BRD8: variants seen among roughly 807,000 people sequenced by gnomAD.
BRD8 encodes bromodomain containing 8.
A neutral mutation model predicts 143.1 loss-of-function variants in BRD8; 67 were observed. That is an observed-to-expected ratio of 0.47 (90% CI 0.38 to 0.57). The LOEUF (loss-of-function observed/expected upper bound fraction) is 0.57, where lower values mean the gene tolerates loss of function less well. Among genes scored for constraint, BRD8 ranks in the 20% least tolerant of loss-of-function variants. The pLI, the probability that BRD8 is intolerant of heterozygous loss-of-function variation, is 0.00. For missense variants in BRD8, 1,103 were observed against 1,503.0 expected (o/e 0.73, Z 4.40); for synonymous variants, 505 against 517.1 (o/e 0.98, Z 0.32).
intron 10 of BRD8, 157 bp downstream of exon 10, chr5:138,166,361 T>G: frequency 1.6e-6 from 1 of 630,044 alleles, no homozygotes; most frequent in Non-Finnish European, 2.7e-6. Flanking sequence ...TCTTCTCACA[T>G]CTATTTCTAA....
At chr5:138,161,592 G>A (rs1011393728) in intron 17 of BRD8, among the ~76,000 whole-genome samples, 2 of 152,222 alleles carry the variant, frequency 1.3e-5, no homozygotes, top group Non-Finnish European at 2.9e-5. Flanking sequence ...TTACAGGCGT[G>A]AGCCACCGCT....
rs986681622 is a variant in BRD8, at chr5:138,152,627, G to A, written c.2711C>T (p.Thr904Ile). The change falls in exon 21 of 27, where the codon ACT becomes ATT. Residue 904 changes from threonine to isoleucine, a missense_variant. Physicochemically the swap from Thr to Ile is moderately conservative, Grantham distance 89 (BLOSUM62 -1). Coordinates refer to ENST00000254900, the MANE Select transcript of BRD8 (RefSeq NM_139199.2). ...LDLDVGNWRE[T>I]EDPEAEELEE... The stretch of plus-strand genomic sequence containing the variant: ...TAGTTCCTCAGCCTCTGGATCCTCA[G>A]TTTCCCTCCAGTTGCCCACATCAAG... 2 of 1,614,150 alleles carry A rather than the reference G, an allele frequency of 1.2e-6. No homozygotes were observed. Among genetic ancestry groups the A allele is most frequent in the Non-Finnish European group, 1.7e-6 (2 of 1,180,048 alleles).
intron 1 of BRD8, 140 bp from the exon 2 acceptor site, chr5:138,177,807 CAA>C (rs1168945539): frequency 1.6e-5 from 8 of 490,178 alleles, no homozygotes; most frequent in Non-Finnish European, 2.6e-5. Context: ...CTACTATAAC[CAA>C]ATCTTGATTT....
chr5:138,164,237 ACCTCC>A, intron 13 of BRD8, 78 bp downstream of exon 13: 1 of 1,571,214 alleles, frequency 6.4e-7, no homozygotes, highest in Non-Finnish European at 8.8e-7. Context: ...GACCTGTTCT[ACCTCC>A]TCTACTTGCC....
chr5:138,178,197 A>G (rs1754519002), intron 1 of BRD8, among the ~76,000 whole-genome samples: 1 of 152,144 alleles, frequency 6.6e-6, no homozygotes, highest in Non-Finnish European at 1.5e-5. Flanking sequence ...TGGCAAGAAA[A>G]GCTCATGGTT....
Position 138,146,390 on chromosome 5 carries a change from C to G in BRD8, c.3279-512G>C, listed in dbSNP as rs183090467. ...TTTTTTTTTGAGACAGGGTCTTGCTCTGTTGCCCAGGCTGGAGTGCAGTAG... is the reference window on the plus strand; with the variant it reads ...TTTTTTTTTGAGACAGGGTCTTGCTGTGTTGCCCAGGCTGGAGTGCAGTAG... On this transcript the variant is annotated intron_variant, in intron 23 of 26. Coordinates refer to ENST00000254900, the MANE Select transcript of BRD8 (RefSeq NM_139199.2). 5.5e-3 allele frequency among the ~76,000 whole-genome samples: 834 copies of G among 151,226 alleles called. 3 individuals carry two copies. Among genetic ancestry groups the G allele is most frequent in the African/African-American group, 0.019 (793 of 41,184 alleles).
Position 138,161,088 on chromosome 5 carries a change from G to C in BRD8, c.2250-20C>G, listed in dbSNP as rs1752963008. 1 of 1,591,226 alleles carries C rather than the reference G, an allele frequency of 6.3e-7. No homozygotes were observed. Among genetic ancestry groups the C allele is most frequent in the African/African-American group, 1.3e-5 (1 of 74,090 alleles). ...ATAGGCCTAAAAAAAAAGAACAGGG[G>C]TAAGTAGCAGTGGGGATGGAAAGAG... is the stretch of plus-strand genomic sequence containing the variant. On this transcript the variant is annotated intron_variant, in intron 17 of 26. Transcript: ENST00000254900.
At chr5:138,151,757 G>A (rs1161092449) in intron 21 of BRD8, among the ~76,000 whole-genome samples, 4 of 151,964 alleles carry the variant, frequency 2.6e-5, no homozygotes, top group Admixed American at 1.3e-4. Context: ...TCCGCCTCCC[G>A]GGTTCAAGCG....
Position 138,142,759 on chromosome 5 carries a change from CAAA to C in BRD8, c.3438-1880_3438-1878del, listed in dbSNP as rs35529846. 5.3e-3 allele frequency among the ~76,000 whole-genome samples: 445 copies of C among 83,822 alleles called. 3 individuals carry two copies. The highest frequency in any genetic ancestry group is 0.02 in the African/African-American group (420 of 21,048). The allele number at this position is 83,822 out of a possible 152,430, so 55.0% of individuals were successfully genotyped here. On this transcript the variant is annotated intron_variant, in intron 25 of 26. Transcript: ENST00000254900. ...GCCTGGTGACAGAGCAAGACTGTCT[CAAA>C]AAAAAAAAAAAAAAAAAATCCAAAA...
At position 138,171,378 on chromosome 5, in the gene BRD8, C is replaced by T; in HGVS notation, c.219G>A (p.Glu73=). ...GTACTCACTTTGGTGTCTCAGTGGT[C>T]TCTAAAAGCTCCGAGTACTGGGAAG... is the stretch of plus-strand genomic sequence containing the variant. ...HCASQYSELL[E]TTETPKRKRG... is the part of the protein sequence containing the mutation. The change falls in exon 4 of 27, where the codon GAG becomes GAA. Residue 73 remains glutamate (E), a synonymous_variant. Transcript: ENST00000254900. 1.3e-6 allele frequency: 2 copies of T among 1,598,490 alleles called. No homozygotes were observed. The highest frequency in any genetic ancestry group is 1.4e-5 in the African/African-American group (1 of 72,022).
intron 22 of BRD8, 76 bp from the exon 23 acceptor site, chr5:138,149,873 A>G (rs1482500455): frequency 7.0e-7 from 1 of 1,436,252 alleles, no homozygotes; most frequent in East Asian, 2.4e-5. Flanking sequence ...CATAGAGTAA[A>G]TGAAGGCTGC....
rs1396377009 is a variant in BRD8, at chr5:138,145,172, CT to C, written c.3437+4del. 5.0e-6 allele frequency: 8 copies of C among 1,610,888 alleles called. No individual in the cohort carries two copies. In the African/African-American group the frequency reaches 8.0e-5, roughly 16 times the overall value. On this transcript the variant is annotated splice_donor_region_variant and intron_variant, in intron 25 of 26. Coordinates refer to ENST00000254900, the MANE Select transcript of BRD8 (RefSeq NM_139199.2). ...CCAACCTTTCTTGACCCCTTTTTCACTGACCTTTTCACCACATCCTTGTACC... is the reference window on the plus strand; with the variant it reads ...CCAACCTTTCTTGACCCCTTTTTCACGACCTTTTCACCACATCCTTGTACC...
In BRD8 at chr5:138,170,853, T is replaced by G. The variant is rs759580949; in HGVS notation, c.419A>C (p.Glu140Ala). Residue 140 changes from glutamate to alanine, a missense_variant, in exon 6 of 27, where the codon GAG becomes GCG. This residue lies in a region of BRD8 where 334 missense variants were observed against 372.5 expected (regional missense o/e 0.90). Coordinates refer to ENST00000254900, the MANE Select transcript of BRD8 (RefSeq NM_139199.2). ...QAGHMDSRLDELCNDIATKKK... is the reference protein window; with the variant it reads ...QAGHMDSRLDALCNDIATKKK... The stretch of plus-strand genomic sequence containing the variant: ...CCACGTTGCAATGTCATTGCAAAGC[T>G]CATCCAGTCTGCTGTCCATGTGTCC... 1.3e-5 allele frequency: 21 copies of G among 1,614,142 alleles called. No homozygotes were observed. Among genetic ancestry groups the G allele is most frequent in the Admixed American group, 6.7e-5 (4 of 60,026 alleles).
Position 138,150,827 on chromosome 5 carries a change from A to T in BRD8, c.3038T>A (p.Leu1013Gln). The T allele has an allele frequency of 2.5e-6, 4 of 1,614,222 alleles. No individual in the cohort carries two copies. Among genetic ancestry groups the T allele is most frequent in the Non-Finnish European group, 3.4e-6 (4 of 1,180,036 alleles). ...KGDPLVAEKP[L>Q]GENGKPEVAS... ...CACCTCTGGCTTTCCATTTTCTCCC[A>T]GTGGCTTTTCAGCTACTAAGGGGTC... The change falls in exon 22 of 27, where the codon CTG (leucine) becomes CAG (glutamine). Residue 1013 changes from leucine (L) to glutamine (Q), a missense_variant. By Grantham distance (113) the Leu-to-Gln change is moderately radical. Coordinates refer to ENST00000254900, the MANE Select transcript of BRD8 (RefSeq NM_139199.2).
At chr5:138,174,130 CTTT>C (rs1032155019) in intron 2 of BRD8, among the ~76,000 whole-genome samples, 1 of 150,988 alleles carries the variant, frequency 6.6e-6, no homozygotes, top group Non-Finnish European at 1.5e-5. Flanking sequence ...GGATTTAATT[CTTT>C]TTTATGGCTC....
At chr5:138,166,261 G>T in intron 10 of BRD8, 153 bp from the exon 11 acceptor site, 1 of 655,036 alleles carries the variant, frequency 1.5e-6, no homozygotes, top group African/African-American at 1.8e-5. Context: ...CTTCTCCCCA[G>T]TTTTATCTAG....
chr5:138,162,016 G>A (rs921084916), intron 16 of BRD8, 38 bp downstream of exon 16: 9 of 1,590,570 alleles, frequency 5.7e-6, no homozygotes, highest in East Asian at 2.2e-5. Flanking sequence ...ATGAAGAGTA[G>A]GAGAAAATGA....
Position 138,172,118 on chromosome 5 carries a change from C to G in BRD8, c.133G>C (p.Ala45Pro). The G allele has an allele frequency of 6.2e-7, 1 of 1,613,264 alleles. No homozygotes were observed. The highest frequency in any genetic ancestry group is 1.1e-5 in the South Asian group (1 of 91,054). Residue 45 changes from alanine to proline, a missense_variant, in exon 3 of 27, where the codon GCA becomes CCA. Around this residue, in one of 7 missense-constraint regions of BRD8, gnomAD observed 69 missense variants for 121.6 expected, o/e 0.57. Coordinates refer to ENST00000254900, the MANE Select transcript of BRD8 (RefSeq NM_139199.2). Reference sequence around the variant, plus strand: ...CCAGGTTCTGCAAAGGGCTTGATTGCTCTGCTAACTGATACCCTACAAAAT... The same window carrying G: ...CCAGGTTCTGCAAAGGGCTTGATTGGTCTGCTAACTGATACCCTACAAAAT... ...GDQNWVSVSRAIKPFAEPGRP... is the reference protein window; with the variant it reads ...GDQNWVSVSRPIKPFAEPGRP...
chr5:138,164,339 C>T lies in BRD8; in HGVS notation c.1806G>A (p.Gln602=), dbSNP rs1051588986. The T allele has an allele frequency of 1.9e-6, 3 of 1,614,078 alleles. No individual in the cohort carries two copies. Among genetic ancestry groups the T allele is most frequent in the East Asian group, 2.2e-5 (1 of 44,882 alleles). The change falls in exon 13 of 27, where the codon CAG becomes CAA. Residue 602 remains glutamine (Q), a synonymous_variant. Transcript: ENST00000254900. ...PIEDPLEAET[Q]HKFEMSDSLK... is the part of the protein sequence containing the mutation. The stretch of plus-strand genomic sequence containing the variant: ...ATTTACCTGACATTTCAAACTTGTG[C>T]TGAGTCTCTGCCTCTAAAGGATCTT...
Sources: allele counts gnomAD v4.1 joint callset (sites outside exome capture counted in the v4.1 genomes callset), GRCh38; gene constraint gnomAD v4.1.1; regional missense constraint gnomAD v4.1.1; transcripts MANE v1.5; gene names NCBI Gene and HGNC (gene_info 2026-07-23, HGNC 2026-07-21).